Variants in SYT15 observed in about 807,000 individuals in gnomAD.
SYT15 encodes the protein synaptotagmin-15.
A neutral mutation model predicts 30.1 loss-of-function variants in SYT15; 4 were observed. The ratio of observed to expected loss-of-function variants is 0.13; its 90% CI spans 0.07 to 0.30. The LOEUF (loss-of-function observed/expected upper bound fraction) is 0.30, where lower values mean the gene tolerates loss of function less well. Ranked by LOEUF, SYT15 falls within the 10% of genes least tolerant of loss-of-function variation. SYT15 has a pLI of 1.00. For synonymous variants in SYT15, 19 were observed against 166.3 expected, an observed-to-expected ratio of 0.11 and a Z score of 6.82; for missense variants, 49 against 371.7, an observed-to-expected ratio of 0.13 and a Z score of 7.14.
downstream of SYT15, chr10:46,595,900 AT>A (rs1245574374): frequency 7.0e-6 from 1 of 142,042 alleles, no homozygotes; most frequent in Non-Finnish European, 1.5e-5. Context: ...GTGCAGATGC[AT>A]ATCTGTGTCT....
chr10:46,583,850 T>TG lies in SYT15; in HGVS notation c.775dup (p.Asp259GlyfsTer89). ...TTCCCCTTGAAGAATGAGACCCTAG[T>TG]GGGGGACTGCCGGCGTGTCATCTGG... On this transcript the variant is annotated frameshift_variant, in exon 5 of 8. Transcript: ENST00000374321. LOFTEE classifies it high-confidence loss of function. 6.5e-7 allele frequency: 1 copy of TG among 1,547,382 alleles called. No homozygotes were observed. The highest frequency in any genetic ancestry group is 8.7e-7 in the Non-Finnish European group (1 of 1,144,466).
downstream of SYT15, among the ~76,000 whole-genome samples, chr10:46,595,149 T>A (rs1439051214): frequency 8.0e-5 from 11 of 137,446 alleles, 1 homozygote; most frequent in Non-Finnish European, 1.2e-4. Context: ...TTTTTTTTTT[T>A]AGGGTTTCAC....
downstream of SYT15, among the ~76,000 whole-genome samples, chr10:46,595,393 G>A (rs1267253200): frequency 2.9e-4 from 44 of 152,084 alleles, no homozygotes; most frequent in East Asian, 5.6e-3. Flanking sequence ...TCGGCTCACC[G>A]CAACCTCTGC....
downstream of SYT15, chr10:46,596,889 C>G: frequency 2.6e-6 from 1 of 378,724 alleles, no homozygotes; most frequent in Non-Finnish European, 5.0e-6. Flanking sequence ...TGGGATTGGA[C>G]ATTTTAAATG....
chr10:46,582,285 G>T lies in SYT15; in HGVS notation c.651+94G>T, dbSNP rs147110442. The stretch of plus-strand genomic sequence containing the variant: ...AGCCCAGCCTCCTGTACCAGCCAGG[G>T]CTCTGCAGCCCCCGGGACCCTTGAT... On this transcript the variant is annotated intron_variant, in intron 4 of 7. Transcript: ENST00000374321. The T allele has an allele frequency of 3.1e-3, 2,628 of 860,890 alleles. 5 individuals are homozygous for T. The African/African-American group carries it at 0.041, about 13-fold the overall frequency. 53.3% of individuals were successfully genotyped at this position (860,890 alleles called of 1,614,324 possible). A position where few individuals can be genotyped will look rare whatever the true frequency, so the allele number is the denominator to read the frequency against.
At chr10:46,586,339 G>A (rs1555040748) in intron 7 of SYT15, among the ~76,000 whole-genome samples, 1 of 132,020 alleles carries the variant, frequency 7.6e-6, no homozygotes, top group Non-Finnish European at 1.6e-5. Context: ...GAGGTCAGGA[G>A]ATCGAGACCG....
downstream of SYT15, among the ~76,000 whole-genome samples, chr10:46,594,505 A>G (rs1366172747): frequency 7.3e-6 from 1 of 137,916 alleles, no homozygotes; most frequent in African/African-American, 3.0e-5. Flanking sequence ...CTCAAGGGGA[A>G]AGTGTTCCTT....
rs1253797893 is a variant in SYT15 at position 46,591,120 on chromosome 10, A to T, written c.*3473A>T. ...AGTGGCTCACATCTATTATCCCCGC[A>T]CTTTGGAAGGCCAAGGCAGGTAGAT... On this transcript the variant is annotated 3_prime_UTR_variant, in exon 8 of 8. Transcript: ENST00000374321. The T allele has an allele frequency of 5.4e-5, 5 of 92,958 alleles. No homozygotes were observed. Among genetic ancestry groups the T allele is most frequent in the African/African-American group, 2.5e-4 (5 of 20,360 alleles). The allele number at this position is 92,958 out of a possible 1,614,324, so 5.8% of individuals were successfully genotyped here.
chr10:46,580,011 CG>C (rs1200399507), intron 1 of SYT15, among the ~76,000 whole-genome samples, 152 bp from the exon 2 acceptor site: 16 of 111,568 alleles, frequency 1.4e-4, no homozygotes, highest in Admixed American at 2.6e-4. Context: ...GCATCCCTCC[CG>C]GAACCCATCC....
Position 46,591,107 on chromosome 10 carries a change from C to A in SYT15, c.*3460C>A, listed in dbSNP as rs1555043541. The A allele has an allele frequency of 9.6e-6, 1 of 104,114 alleles. No homozygotes were observed. The highest frequency in any genetic ancestry group is 2.6e-4 in the East Asian group (1 of 3,908). The allele number at this position is 104,114 out of a possible 1,614,324, so 6.4% of individuals were successfully genotyped here. On this transcript the variant is annotated 3_prime_UTR_variant, in exon 8 of 8. Coordinates refer to ENST00000374321, the MANE Select transcript of SYT15 (RefSeq NM_031912.5). ...TTAAGTCGAGCTCAGTGGCTCACAT[C>A]TATTATCCCCGCACTTTGGAAGGCC...
chr10:46,586,532 C>T (rs1357059700), intron 7 of SYT15, among the ~76,000 whole-genome samples: 1 of 104,604 alleles, frequency 9.6e-6, no homozygotes, highest in Non-Finnish European at 1.9e-5. Context: ...GGCAACAGAG[C>T]GAGACTTCGT....
rs1844017156 is a variant in SYT15, at chr10:46,580,234, C to G, written c.78C>G (p.Cys26Trp). 2 of 1,093,006 alleles carry G rather than the reference C, an allele frequency of 1.8e-6. No homozygotes were observed. The highest frequency in any genetic ancestry group is 2.3e-4 in the Middle Eastern group (1 of 4,338). 67.7% of individuals were successfully genotyped at this position (1,093,006 alleles called of 1,614,324 possible). A position where few individuals can be genotyped will look rare whatever the true frequency, so the allele number is the denominator to read the frequency against. Residue 26 changes from cysteine (C) to tryptophan (W), a missense_variant, in exon 2 of 8, where the codon TGC becomes TGG. By Grantham distance (215) the Cys-to-Trp change is radical. Coordinates refer to ENST00000374321, the MANE Select transcript of SYT15 (RefSeq NM_031912.5). ...LLLLLLIGAS[C>W]CLWRRFCATL... ...TGCTGCTGTTGATCGGGGCAAGCTGCTGTCTGTGGAGAAGGTTCTGTGCCA... is the reference window on the plus strand; with the variant it reads ...TGCTGCTGTTGATCGGGGCAAGCTGGTGTCTGTGGAGAAGGTTCTGTGCCA...
intron 2 of SYT15, 120 bp from the exon 3 acceptor site, chr10:46,580,774 C>A: frequency 1.8e-6 from 1 of 549,824 alleles, no homozygotes; most frequent in Non-Finnish European, 3.2e-6. Context: ...GCCCTGGCCT[C>A]CTCCTGGCTC....
At position 46,590,893 on chromosome 10, in the gene SYT15, T is replaced by C. The variant is rs1264766790; in HGVS notation, c.*3246T>C. 9 of 137,650 alleles carry C rather than the reference T, an allele frequency of 6.5e-5. No individual in the cohort carries two copies. Among genetic ancestry groups the C allele is most frequent in the Admixed American group, 4.3e-4 (6 of 13,830 alleles). 8.5% of individuals were successfully genotyped at this position (137,650 alleles called of 1,614,324 possible). ...TTTATTCTTTGGATGTGATGACTTA[T>C]ACTAATTGACTGTTGAATGTCAAAC... On this transcript the variant is annotated 3_prime_UTR_variant, in exon 8 of 8. Transcript: ENST00000374321.
chr10:46,588,109 C>CAGA lies in SYT15; in HGVS notation c.*462_*463insAGA. The CAGA allele has an allele frequency of 2.1e-6, 1 of 481,728 alleles. No homozygotes were observed. Among genetic ancestry groups the CAGA allele is most frequent in the Non-Finnish European group, 2.6e-6 (1 of 390,670 alleles). 29.8% of individuals were successfully genotyped at this position (481,728 alleles called of 1,614,324 possible). ...CAGCCAGGGTTTCTCTGCCTTCTGC[C>CAGA]TGGCAGAGAAAACACACTGCTATGG... is the stretch of plus-strand genomic sequence containing the variant. On this transcript the variant is annotated 3_prime_UTR_variant, in exon 8 of 8. Transcript: ENST00000374321.
At chr10:46,584,709 T>C in intron 6 of SYT15, 94 bp downstream of exon 6, 1 of 1,481,614 alleles carries the variant, frequency 6.7e-7, no homozygotes, top group Non-Finnish European at 9.0e-7. Flanking sequence ...ATCCAGTTTC[T>C]GCTTGCATAC....
chr10:46,593,424 C>T (rs1845544465), downstream of SYT15: 1 of 145,682 alleles, frequency 6.9e-6, no homozygotes, highest in Admixed American at 6.8e-5. Flanking sequence ...AACCCCGTCT[C>T]CACTAAAAAA....
At chr10:46,594,510 T>C (rs1421351448), downstream of SYT15, among the ~76,000 whole-genome samples, 2 of 139,010 alleles carry the variant, frequency 1.4e-5, no homozygotes, top group African/African-American at 2.9e-5. Context: ...GGGGAAAGTG[T>C]TCCTTTTCTG....
chr10:46,596,508 T>C, downstream of SYT15, among the ~76,000 whole-genome samples: 1 of 145,286 alleles, frequency 6.9e-6, no homozygotes, highest in Non-Finnish European at 1.5e-5. Flanking sequence ...ATAAATACTT[T>C]TAAAGGGGAT....
Sources: gnomAD v4.1 joint callset for allele counts (sites outside exome capture counted in the v4.1 genomes callset) on GRCh38, gnomAD v4.1.1 for gene constraint, MANE v1.5 for transcripts, NCBI Gene and HGNC (gene_info 2026-07-23, HGNC 2026-07-21) for gene names.